Variants in MAP3K13 observed in about 807,000 individuals in gnomAD.
MAP3K13 encodes the protein leucine zipper-bearing kinase.
MAP3K13 carries 52 observed loss-of-function variants against 104.0 expected under a neutral mutation model. The ratio of observed to expected loss-of-function variants is 0.50; its 90% CI spans 0.40 to 0.63. MAP3K13 has a LOEUF of 0.63. Ranked by LOEUF, MAP3K13 falls within the 20% of genes least tolerant of loss-of-function variation. The pLI is 0.00. For synonymous variants in MAP3K13, 394 were observed against 442.2 expected (o/e 0.89, Z 1.37); for missense variants, 914 against 1,218.5 (o/e 0.75, Z 3.72).
At chr3:185,453,542 G>A (rs1374965660) in intron 7 of MAP3K13, among the ~76,000 whole-genome samples, 2 of 151,678 alleles carry the variant, frequency 1.3e-5, no homozygotes, top group Non-Finnish European at 2.9e-5. Context: ...AGGCCGAGGC[G>A]GGCAGATCAC....
At position 185,329,358 on chromosome 3, in the gene MAP3K13, A is replaced by G; in HGVS notation, c.-86+43715A>G. 5 of 638,080 alleles carry G rather than the reference A, an allele frequency of 7.8e-6. No individual in the cohort carries two copies. In the South Asian group the frequency reaches 8.7e-5, roughly 11 times the overall value. The allele number at this position is 638,080 out of a possible 1,614,324, so 39.5% of individuals were successfully genotyped here. ...GGTTTAGATTCATAGTTACAGATTC[A>G]TGTCAGCAAATATTTAGCAGTCTCT... On this transcript the variant is annotated intron_variant, in intron 2 of 14. Transcript: ENST00000424227.
chr3:185,455,878 G>GATATATATGATATAGATGAGAT (rs113021580), intron 7 of MAP3K13, among the ~76,000 whole-genome samples: 6 of 123,412 alleles, frequency 4.9e-5, no homozygotes, highest in South Asian at 4.9e-4. Context: ...ATATAGATGA[G>GATATATATGATATAGATGAGAT]ATATATGATA....
At chr3:185,311,615 G>A (rs955120800) in intron 2 of MAP3K13, among the ~76,000 whole-genome samples, 1 of 152,084 alleles carries the variant, frequency 6.6e-6, no homozygotes, top group African/African-American at 2.4e-5. Context: ...GGCTCATCAA[G>A]GTTCCCTGAT....
chr3:185,467,032 A>G (rs1282035744), intron 10 of MAP3K13, 69 bp downstream of exon 10: 2 of 1,564,970 alleles, frequency 1.3e-6, no homozygotes, highest in Non-Finnish European at 1.8e-6. Context: ...CCATTCTCAC[A>G]TGATGGCGGA....
intron 11 of MAP3K13, chr3:185,476,950 T>C: frequency 2.8e-6 from 1 of 356,334 alleles, no homozygotes; most frequent in Admixed American, 4.0e-5. Flanking sequence ...AGATCAATTC[T>C]ATAACAGAGC....
intron 7 of MAP3K13, among the ~76,000 whole-genome samples, chr3:185,460,623 T>C (rs1040816776): frequency 2.0e-5 from 3 of 152,232 alleles, no homozygotes; most frequent in Non-Finnish European, 4.4e-5. Flanking sequence ...AAATTGGAAC[T>C]CCTTTTCCAT....
In MAP3K13 at chr3:185,437,637, CAAG is replaced by C; in HGVS notation, c.659+8_659+10del. The C allele has an allele frequency of 4.2e-6, 6 of 1,437,136 alleles. No homozygotes were observed. In the South Asian group the frequency reaches 7.6e-5, roughly 18 times the overall value. 89.0% of individuals were successfully genotyped at this position (1,437,136 alleles called of 1,614,324 possible). The stretch of plus-strand genomic sequence containing the variant: ...CTAACATCATCGCATTCAAGTAGGT[CAAG>C]GCTTTTTTTTTTTAAGAAGTAGACC... On this transcript the variant is annotated splice_region_variant and intron_variant, in intron 3 of 13. Transcript: ENST00000265026.
At chr3:185,368,732 G>A (rs1000781450) in intron 1 of MAP3K13, among the ~76,000 whole-genome samples, 12 of 152,062 alleles carry the variant, frequency 7.9e-5, no homozygotes, top group South Asian at 2.1e-4. Context: ...CAAGGCAGGC[G>A]GATCACCTGA....
intron 1 of MAP3K13, among the ~76,000 whole-genome samples, chr3:185,421,747 A>G (rs1714145817): frequency 6.6e-6 from 1 of 152,140 alleles, no homozygotes; most frequent in Admixed American, 6.5e-5. Flanking sequence ...ACAGCCAGAG[A>G]TAGTGGAACC....
chr3:185,487,496 G>A lies in MAP3K13; in HGVS notation c.*5040G>A, dbSNP rs926161024. On this transcript the variant is annotated 3_prime_UTR_variant, in exon 14 of 14. Transcript: ENST00000265026. ...ACTATTTTAAATGCCCTCTCCCACTGTGGAACATTGGCATCCTTTAAGAAT... is the reference window on the plus strand; with the variant it reads ...ACTATTTTAAATGCCCTCTCCCACTATGGAACATTGGCATCCTTTAAGAAT... 6.6e-6 allele frequency: 1 copy of A among 152,020 alleles called. No homozygotes were observed. The highest frequency in any genetic ancestry group is 2.4e-5 in the African/African-American group (1 of 41,394). The allele number at this position is 152,020 out of a possible 1,614,324, so 9.4% of individuals were successfully genotyped here.
At chr3:185,407,405 G>T (rs1713174283) in intron 1 of MAP3K13, among the ~76,000 whole-genome samples, 1 of 152,104 alleles carries the variant, frequency 6.6e-6, no homozygotes, top group African/African-American at 2.4e-5. Flanking sequence ...GGTGCTAAAG[G>T]ATTCTAAATA....
chr3:185,360,909 C>G (rs890362036), upstream of MAP3K13, among the ~76,000 whole-genome samples: 1 of 146,876 alleles, frequency 6.8e-6, no homozygotes, highest in African/African-American at 2.5e-5. Context: ...TCACTGCAAC[C>G]TCTGCCTCCC....
chr3:185,382,113 A>T (rs920519774), intron 1 of MAP3K13, among the ~76,000 whole-genome samples: 1 of 152,218 alleles, frequency 6.6e-6, no homozygotes, highest in Non-Finnish European at 1.5e-5. Context: ...GATACCTGAA[A>T]CTGCAGATAG....
chr3:185,450,670 C>T lies in MAP3K13; in HGVS notation c.1169+612C>T, dbSNP rs182309110. 3.8e-4 allele frequency among the ~76,000 whole-genome samples: 58 copies of T among 152,144 alleles called. No individual in the cohort carries two copies. The highest frequency in any genetic ancestry group is 1.2e-3 in the South Asian group (6 of 4,812). ...TACTGCAGGGCCAGGCATGGTGGCT[C>T]ACGCCTGTAATCCCAACACTTTGGG... On this transcript the variant is annotated intron_variant, in intron 6 of 13. Coordinates refer to ENST00000265026, the MANE Select transcript of MAP3K13 (RefSeq NM_004721.5). The surrounding 1 kb of genome is among the most constrained non-coding windows in gnomAD (Gnocchi z 4.2).
intron 2 of MAP3K13, among the ~76,000 whole-genome samples, chr3:185,342,264 G>C (rs751454924): frequency 6.6e-6 from 1 of 152,130 alleles, no homozygotes; most frequent in African/African-American, 2.4e-5. Context: ...ATAAATGTTA[G>C]TTGCTTTGAG....
At chr3:185,455,487 G>A (rs542718313) in intron 7 of MAP3K13, among the ~76,000 whole-genome samples, 1 of 58,088 alleles carries the variant, frequency 1.7e-5, no homozygotes, top group Non-Finnish European at 3.5e-5. Context: ...TGATATATAT[G>A]AGATATATAC....
intron 2 of MAP3K13, among the ~76,000 whole-genome samples, chr3:185,434,786 A>T (rs207464152): frequency 6.6e-6 from 1 of 152,062 alleles, no homozygotes; most frequent in Non-Finnish European, 1.5e-5. Flanking sequence ...GTAACTAAAG[A>T]TTGAGTAAAT....
chr3:185,460,033 C>T (rs549361958), intron 7 of MAP3K13, among the ~76,000 whole-genome samples: 2 of 152,190 alleles, frequency 1.3e-5, no homozygotes, highest in African/African-American at 2.4e-5. Flanking sequence ...TTTTGTAGCA[C>T]GTGTCACAAC....
intron 1 of MAP3K13, among the ~76,000 whole-genome samples, chr3:185,410,803 C>T (rs551011283): frequency 3.3e-5 from 5 of 151,720 alleles, no homozygotes; most frequent in South Asian, 2.1e-4. Context: ...GGCATTGTGG[C>T]GGGCGCCTGT....
Sources: allele counts gnomAD v4.1 joint callset (sites outside exome capture counted in the v4.1 genomes callset), GRCh38; gene constraint gnomAD v4.1.1; non-coding constraint Gnocchi (gnomAD v3.1); transcripts MANE v1.5; gene names NCBI Gene and HGNC (gene_info 2026-07-23, HGNC 2026-07-21).